The following CADPS variants were observed in gnomAD, a reference collection of about 807,000 sequenced individuals.
CADPS encodes the protein calcium-dependent secretion activator 1.
Under a neutral mutation model 167.3 loss-of-function variants are expected in CADPS, and 57 were observed. That is an observed-to-expected ratio of 0.34 (90% CI 0.28 to 0.42). The LOEUF (loss-of-function observed/expected upper bound fraction) is 0.42, where lower values mean the gene tolerates loss of function less well. Among genes scored for constraint, CADPS ranks in the 20% least tolerant of loss-of-function variants. CADPS has a pLI of 1.00. For missense variants in CADPS, 1,414 were observed against 1,738.1 expected, an observed-to-expected ratio of 0.81 and a Z score of 3.32; for synonymous variants, 676 against 635.3, an observed-to-expected ratio of 1.06 and a Z score of -0.96.
At chr3:62,858,983 T>C (rs919449570) in intron 1 of CADPS, among the ~76,000 whole-genome samples, 3 of 152,160 alleles carry the variant, frequency 2.0e-5, no homozygotes, top group South Asian at 2.1e-4. Flanking sequence ...ACAAAGATAG[T>C]ATTGAGTAGT....
At chr3:62,824,514 T>A (rs1480592248) in intron 1 of CADPS, among the ~76,000 whole-genome samples, 1 of 152,134 alleles carries the variant, frequency 6.6e-6, no homozygotes, top group Non-Finnish European at 1.5e-5. Context: ...TTGCATGCAG[T>A]GTCAAGAAAT....
At chr3:62,786,799 A>C (rs1475991915) in intron 1 of CADPS, among the ~76,000 whole-genome samples, 1 of 152,140 alleles carries the variant, frequency 6.6e-6, no homozygotes, top group Non-Finnish European at 1.5e-5. Flanking sequence ...AAATGTAAAG[A>C]TGAAACATTT....
chr3:62,474,062 T>G, intron 24 of CADPS, 111 bp downstream of exon 24: 1 of 687,288 alleles, frequency 1.5e-6, no homozygotes, highest in Admixed American at 3.2e-5. Flanking sequence ...AATGTTAGAG[T>G]GTATTTCTGA....
chr3:62,855,172 T>G lies in CADPS; in HGVS notation c.441+19417A>C, dbSNP rs151241769. On this transcript the variant is annotated intron_variant, in intron 1 of 29. Coordinates refer to ENST00000383710, the MANE Select transcript of CADPS (RefSeq NM_003716.4). ...GTTGCCCAGGCTGATCTGGAACTCCTGACCTCAGGCAATCTGCCCACTTCG... is the reference window on the plus strand; with the variant it reads ...GTTGCCCAGGCTGATCTGGAACTCCGGACCTCAGGCAATCTGCCCACTTCG... Among the ~76,000 whole-genome samples, 57 of 149,500 alleles carry G rather than the reference T, an allele frequency of 3.8e-4. 2 individuals carry two copies. Among genetic ancestry groups the G allele is most frequent in the African/African-American group, 1.3e-3 (55 of 40,994 alleles).
chr3:62,498,251 C>T (rs1480479345), intron 18 of CADPS: 22 of 450,852 alleles, frequency 4.9e-5, no homozygotes, highest in South Asian at 2.4e-4. Flanking sequence ...GGATTTATGG[C>T]GTATTATATA....
intron 27 of CADPS, chr3:62,441,227 T>C (rs1415525429): frequency 6.6e-6 from 1 of 152,244 alleles, no homozygotes; most frequent in Non-Finnish European, 1.5e-5. Context: ...ATTTTAAATG[T>C]GGCTTGGACA....
At chr3:62,470,754 C>T (rs1157904613) in intron 24 of CADPS, 1 of 151,950 alleles carries the variant, frequency 6.6e-6, no homozygotes, top group Non-Finnish European at 1.5e-5. Context: ...GGAAAAAAAC[C>T]AACAGTCTTA....
At chr3:62,768,789 C>A (rs2087669446) in intron 1 of CADPS, among the ~76,000 whole-genome samples, 1 of 152,174 alleles carries the variant, frequency 6.6e-6, no homozygotes, top group Non-Finnish European at 1.5e-5. Flanking sequence ...GAATATAAAA[C>A]TCTCAAAGGA....
intron 3 of CADPS, among the ~76,000 whole-genome samples, chr3:62,744,943 T>C (rs2081128539): frequency 6.6e-6 from 1 of 152,056 alleles, no homozygotes; most frequent in Non-Finnish European, 1.5e-5. Context: ...TAGAAACAAG[T>C]GATAGAGAAG....
At chr3:62,721,499 G>A (rs35119430) in intron 3 of CADPS, among the ~76,000 whole-genome samples, 11,986 of 152,014 alleles carry the variant, frequency 0.079, 623 homozygotes, top group Non-Finnish European at 0.12. Flanking sequence ...GGAGACCACC[G>A]TATCACCGCC....
intron 6 of CADPS, among the ~76,000 whole-genome samples, chr3:62,641,432 G>A (rs963981829): frequency 1.3e-5 from 2 of 152,268 alleles, no homozygotes; most frequent in Non-Finnish European, 2.9e-5. Flanking sequence ...AGGTAAGAGT[G>A]CCACCCTTTG....
At chr3:62,864,291 G>C (rs1294785896) in intron 1 of CADPS, among the ~76,000 whole-genome samples, 1 of 152,190 alleles carries the variant, frequency 6.6e-6, no homozygotes, top group African/African-American at 2.4e-5. Context: ...CAAAAGATTT[G>C]CAAATTTTAA....
At chr3:62,825,907 T>C (rs1238007547) in intron 1 of CADPS, among the ~76,000 whole-genome samples, 2 of 151,988 alleles carry the variant, frequency 1.3e-5, no homozygotes, top group South Asian at 2.1e-4. Context: ...AGCTGGGAGA[T>C]TTTCGCAGCA....
intron 10 of CADPS, among the ~76,000 whole-genome samples, chr3:62,551,198 C>T (rs973916770): frequency 1.6e-4 from 24 of 152,152 alleles, no homozygotes; most frequent in Admixed American, 1.0e-3. Flanking sequence ...GCTTGTGAAA[C>T]CCAACAATGA....
At chr3:62,617,657 G>A (rs1197460333) in intron 6 of CADPS, among the ~76,000 whole-genome samples, 1 of 152,066 alleles carries the variant, frequency 6.6e-6, no homozygotes. Context: ...TTAATTTGGG[G>A]ATGAGAGAGG....
intron 6 of CADPS, among the ~76,000 whole-genome samples, chr3:62,640,667 C>A (rs1019777540): frequency 6.6e-6 from 1 of 152,122 alleles, no homozygotes; most frequent in Non-Finnish European, 1.5e-5. Context: ...AAGCCCATGG[C>A]CTGTCAGGGA....
chr3:62,636,066 C>T (rs1443393758), intron 6 of CADPS, among the ~76,000 whole-genome samples: 1 of 151,992 alleles, frequency 6.6e-6, no homozygotes, highest in African/African-American at 2.4e-5. Flanking sequence ...CCTTTTTTAC[C>T]CTGGGTCCAC....
Position 62,492,393 on chromosome 3 carries a change from T to C in CADPS, c.2781A>G (p.Ser927=), listed in dbSNP as rs1311397212. The stretch of plus-strand genomic sequence containing the variant: ...CTGCATCCATGTCTACTGCAAAGAG[T>C]GACAGGAACGTCTCCGCATGCTCCA... ...LMVEHAETFL[S]LFAVDMDAAL... Residue 927 remains serine, a synonymous_variant, in exon 20 of 30, where the codon TCA becomes TCG. Transcript: ENST00000383710. The C allele has an allele frequency of 3.1e-6, 5 of 1,613,864 alleles. No individual in the cohort carries two copies. Among genetic ancestry groups the C allele is most frequent in the South Asian group, 1.1e-5 (1 of 91,082 alleles).
intron 6 of CADPS, among the ~76,000 whole-genome samples, chr3:62,614,157 A>G (rs1314119547): frequency 2.0e-5 from 3 of 152,206 alleles, no homozygotes; most frequent in Admixed American, 6.5e-5. Context: ...GGGCCAGGCA[A>G]TGTTTCAAGA....
Sources: allele counts gnomAD v4.1 joint callset (sites outside exome capture counted in the v4.1 genomes callset), GRCh38; gene constraint gnomAD v4.1.1; transcripts MANE v1.5; gene names NCBI Gene and HGNC (gene_info 2026-07-23, HGNC 2026-07-21).